Variants in LTBP1 observed in about 807,000 individuals in gnomAD.
The protein encoded by LTBP1 is latent-transforming growth factor beta-binding protein 1.
In LTBP1, 129 loss-of-function variants were observed where a neutral mutation model predicts 207.6. The ratio of observed to expected loss-of-function variants is 0.62; its 90% CI spans 0.54 to 0.72. The LOEUF is 0.72. Among genes scored for constraint, LTBP1 ranks in the 30% least tolerant of loss-of-function variants. The pLI, the probability that LTBP1 is intolerant of heterozygous loss-of-function variation, is 0.00. For missense variants in LTBP1, 2,281 were observed against 2,217.2 expected (o/e 1.03, Z -0.58); for synonymous variants, 963 against 833.7 (o/e 1.16, Z -2.67).
At chr2:33,073,250 T>C (rs1329751656) in intron 3 of LTBP1, among the ~76,000 whole-genome samples, 2 of 151,710 alleles carry the variant, frequency 1.3e-5, no homozygotes, top group Non-Finnish European at 2.9e-5. Flanking sequence ...CATTCTTTTG[T>C]ATGTAATCAC....
At chr2:33,148,353 TGTTCTCTATGCTGATAACATAC>T (rs1257088196) in intron 5 of LTBP1, among the ~76,000 whole-genome samples, 1 of 152,240 alleles carries the variant, frequency 6.6e-6, no homozygotes, top group Non-Finnish European at 1.5e-5. Flanking sequence ...TGATAACATA[TGTTCTCTATGCTGATAACATAC>T]GTTCTCTATG....
At chr2:33,044,674 T>G (rs13022793) in intron 3 of LTBP1, among the ~76,000 whole-genome samples, 1,951 of 152,332 alleles carry the variant, frequency 0.013, 30 homozygotes, top group South Asian at 0.028. Flanking sequence ...TCTAGATCCT[T>G]GAGGAATTGT....
intron 24 of LTBP1, among the ~76,000 whole-genome samples, chr2:33,342,560 G>A (rs554899941): frequency 5.3e-5 from 8 of 152,340 alleles, no homozygotes; most frequent in East Asian, 1.9e-4. Context: ...AATACTGGGC[G>A]TGGCACTTGC....
chr2:33,105,035 C>G (rs2079978223), intron 3 of LTBP1, among the ~76,000 whole-genome samples: 1 of 152,174 alleles, frequency 6.6e-6, no homozygotes, highest in South Asian at 2.1e-4. Flanking sequence ...ATAGTTACCT[C>G]CATTATGGCC....
chr2:33,059,598 G>T (rs2077169205), intron 3 of LTBP1, among the ~76,000 whole-genome samples: 1 of 152,192 alleles, frequency 6.6e-6, no homozygotes, highest in Non-Finnish European at 1.5e-5. Context: ...GATTTGAGAG[G>T]CTTGTGTTTA....
chr2:33,254,151 G>A (rs2147715284), intron 11 of LTBP1, among the ~76,000 whole-genome samples: 1 of 151,788 alleles, frequency 6.6e-6, no homozygotes, highest in African/African-American at 2.4e-5. Flanking sequence ...CAAAGTGCTG[G>A]GATTACAGGG....
chr2:33,381,156 T>C (rs934834206), intron 31 of LTBP1, among the ~76,000 whole-genome samples: 1 of 152,236 alleles, frequency 6.6e-6, no homozygotes, highest in East Asian at 1.9e-4. Context: ...ATGAAATTGC[T>C]TGGATGTAAG....
Position 33,309,503 on chromosome 2 carries a change from A to T in LTBP1, c.3551A>T (p.Tyr1184Phe). 1.2e-6 allele frequency: 2 copies of T among 1,610,892 alleles called. No homozygotes were observed. Among genetic ancestry groups the T allele is most frequent in the African/African-American group, 1.3e-5 (1 of 74,790 alleles). The change falls in exon 23 of 34, where the codon TAT (tyrosine) becomes TTT (phenylalanine). Residue 1184 changes from tyrosine to phenylalanine, a missense_variant. By Grantham distance (22) the Tyr-to-Phe change is conservative. Coordinates refer to ENST00000404816, the MANE Select transcript of LTBP1 (RefSeq NM_206943.4). Reference protein sequence around the residue: ...RGDCINTAGSYDCTCPDGFQL... With the variant: ...RGDCINTAGSFDCTCPDGFQL... Reference sequence around the variant, plus strand: ...GACTGCATTAATACTGCAGGGTCCTATGATTGTACTTGTCCGGATGGATTT... The same window carrying T: ...GACTGCATTAATACTGCAGGGTCCTTTGATTGTACTTGTCCGGATGGATTT...
intron 20 of LTBP1, among the ~76,000 whole-genome samples, chr2:33,295,982 C>A (rs2093867672): frequency 6.6e-6 from 1 of 152,156 alleles, no homozygotes; most frequent in Admixed American, 6.5e-5. Context: ...CGTGGGCACA[C>A]CTCCATTTCT....
At chr2:33,232,719 TG>T (rs1442223998) in intron 9 of LTBP1, among the ~76,000 whole-genome samples, 1 of 152,210 alleles carries the variant, frequency 6.6e-6, no homozygotes, top group Non-Finnish European at 1.5e-5. Flanking sequence ...CAAATTTGAC[TG>T]CTATCTTGTA....
chr2:33,348,137 T>G (rs2094728571), intron 26 of LTBP1, among the ~76,000 whole-genome samples: 1 of 152,218 alleles, frequency 6.6e-6, no homozygotes, highest in South Asian at 2.1e-4. Context: ...TAGCTATAGC[T>G]TGGTTGTATT....
chr2:33,301,762 T>C, intron 22 of LTBP1, 118 bp downstream of exon 22: 2 of 915,168 alleles, frequency 2.2e-6, no homozygotes, highest in Non-Finnish European at 3.1e-6. Context: ...AGACATTAGG[T>C]CCCTGCAAAG....
intron 4 of LTBP1, among the ~76,000 whole-genome samples, chr2:33,121,403 C>T (rs774426573): frequency 5.9e-5 from 9 of 151,968 alleles, no homozygotes; most frequent in Non-Finnish European, 1.2e-4. Flanking sequence ...GAAAAGCATC[C>T]GGAGAGCAGG....
intron 5 of LTBP1, among the ~76,000 whole-genome samples, chr2:33,165,502 T>G (rs923870466): frequency 3.9e-5 from 6 of 152,216 alleles, no homozygotes; most frequent in African/African-American, 1.4e-4. Context: ...ATCAGGCCTT[T>G]CATTTTACCA....
At chr2:33,105,226 C>T (rs2079990198) in intron 3 of LTBP1, among the ~76,000 whole-genome samples, 1 of 152,132 alleles carries the variant, frequency 6.6e-6, no homozygotes. Context: ...CCCAGTAAAG[C>T]AAGTCACATG....
chr2:33,095,067 A>C (rs919491311), intron 3 of LTBP1, among the ~76,000 whole-genome samples: 1 of 152,204 alleles, frequency 6.6e-6, no homozygotes, highest in Non-Finnish European at 1.5e-5. Flanking sequence ...ATGAACAAAG[A>C]ATGGTTTTAT....
chr2:33,007,844 A>G (rs968137387), intron 2 of LTBP1, among the ~76,000 whole-genome samples: 4 of 152,232 alleles, frequency 2.6e-5, no homozygotes, highest in Admixed American at 1.3e-4. Context: ...ATTAATCTAC[A>G]TATAAGCGCT....
At chr2:32,976,441 A>G (rs1681792809) in intron 2 of LTBP1, among the ~76,000 whole-genome samples, 1 of 152,198 alleles carries the variant, frequency 6.6e-6, no homozygotes, top group South Asian at 2.1e-4. Context: ...TTTCATAGGC[A>G]CTATATCCTG....
chr2:33,353,990 G>A (rs1450746287), intron 26 of LTBP1, among the ~76,000 whole-genome samples: 1 of 151,858 alleles, frequency 6.6e-6, no homozygotes, highest in East Asian at 1.9e-4. Context: ...CTCCCGAGTA[G>A]CTGGGACTAC....
Sources: allele counts gnomAD v4.1 joint callset (sites outside exome capture counted in the v4.1 genomes callset), GRCh38; gene constraint gnomAD v4.1.1; transcripts MANE v1.5; gene names NCBI Gene and HGNC (gene_info 2026-07-23, HGNC 2026-07-21).